ACYP2: variants seen among roughly 807,000 people sequenced by gnomAD.
ACYP2 encodes the protein acylphosphatase 2.
In ACYP2, 12 loss-of-function variants were observed where a neutral mutation model predicts 11.2. That is an observed-to-expected ratio of 1.08 (90% CI 0.69 to 1.74). The LOEUF is 1.74. Among genes scored for constraint, ACYP2 ranks in the 40% most tolerant of loss-of-function variants. ACYP2 has a pLI of 0.00. For synonymous variants in ACYP2, 43 were observed against 32.2 expected, an observed-to-expected ratio of 1.33 and a Z score of -1.13; for missense variants, 134 against 101.9, an observed-to-expected ratio of 1.31 and a Z score of -1.35.
chr2:54,080,681 G>C (rs1677599133), intron 4 of ACYP2, among the ~76,000 whole-genome samples: 1 of 152,090 alleles, frequency 6.6e-6, no homozygotes, highest in Non-Finnish European at 1.5e-5. Flanking sequence ...TAGAGATGGA[G>C]TTTCACCATG....
In ACYP2 at chr2:54,020,844, A is replaced by G. The variant is rs570134489; in HGVS notation, c.63-30114A>G. On this transcript the variant is annotated intron_variant, in intron 2 of 6. Coordinates refer to ENST00000607452, the MANE Select transcript of ACYP2 (RefSeq NM_001320586.2). ...TCTATGTTGCAAATTTTAATTTGTT[A>G]AGGTAGACTTGATTTTTCAGAAATA... Among the ~76,000 whole-genome samples the G allele has an allele frequency of 1.6e-4, 25 of 152,336 alleles. No homozygotes were observed. The South Asian group carries it at 3.9e-3, about 24-fold the overall frequency.
chr2:53,984,597 C>G (rs1671931471), intron 2 of ACYP2, among the ~76,000 whole-genome samples: 1 of 150,854 alleles, frequency 6.6e-6, no homozygotes, highest in Admixed American at 6.6e-5. Flanking sequence ...TGAATTGAAT[C>G]CAGAAAAGTG....
chr2:54,159,569 A>G lies in ACYP2; in HGVS notation c.404+20821A>G, dbSNP rs1682615401. On this transcript the variant is annotated intron_variant, in intron 6 of 6. Coordinates refer to ENST00000607452, the MANE Select transcript of ACYP2 (RefSeq NM_001320586.2). The stretch of plus-strand genomic sequence containing the variant: ...TAATGTTTTCATTCAGTAAATGTTT[A>G]TTATGTGTATTTCGACGTCCCTCTG... Among the ~76,000 whole-genome samples, 2 of 152,072 alleles carry G rather than the reference A, an allele frequency of 1.3e-5. 1 individual carries two copies. The highest frequency in any genetic ancestry group is 4.2e-4 in the South Asian group (2 of 4,818).
At chr2:54,185,326 T>G (rs1032244239) in intron 6 of ACYP2, among the ~76,000 whole-genome samples, 1 of 152,186 alleles carries the variant, frequency 6.6e-6, no homozygotes, top group African/African-American at 2.4e-5. Flanking sequence ...AGCCATTCTA[T>G]GCCCATGAGG....
At chr2:54,268,119 A>T (rs1688121061) in intron 6 of ACYP2, among the ~76,000 whole-genome samples, 1 of 152,200 alleles carries the variant, frequency 6.6e-6, no homozygotes, top group Admixed American at 6.5e-5. Flanking sequence ...TTGAACCTGA[A>T]CCACAACATT....
In ACYP2 at chr2:54,131,541, G is replaced by C. The variant is rs79553465; in HGVS notation, c.278-3912G>C. Among the ~76,000 whole-genome samples, 3 of 152,262 alleles carry C rather than the reference G, an allele frequency of 2.0e-5. No individual in the cohort carries two copies. The South Asian group carries it at 6.2e-4, about 32-fold the overall frequency. ...GCTGTGCCAATGTCAGGTCCCTTTA[G>C]GGTGCAGGAGGGGAGAGTTGCCTTT... On this transcript the variant is annotated intron_variant, in intron 4 of 6. Transcript: ENST00000607452.
intron 6 of ACYP2, among the ~76,000 whole-genome samples, chr2:54,177,148 C>T (rs1558589633): frequency 1.3e-5 from 2 of 152,194 alleles, no homozygotes; most frequent in Admixed American, 1.3e-4. Context: ...TGCCCTCCAT[C>T]CACCTCTGTT....
intron 6 of ACYP2, among the ~76,000 whole-genome samples, chr2:54,286,801 T>C (rs1256294901): frequency 6.6e-6 from 1 of 152,044 alleles, no homozygotes; most frequent in Non-Finnish European, 1.5e-5. Flanking sequence ...AAGACAGGCC[T>C]AAAACAAAAT....
At chr2:54,025,362 G>A (rs1674227293) in intron 2 of ACYP2, among the ~76,000 whole-genome samples, 1 of 152,110 alleles carries the variant, frequency 6.6e-6, no homozygotes, top group African/African-American at 2.4e-5. Flanking sequence ...AAAACAGCAT[G>A]GTATTGGCAT....
chr2:54,244,567 T>C (rs145661378), intron 6 of ACYP2, among the ~76,000 whole-genome samples: 31 of 152,342 alleles, frequency 2.0e-4, no homozygotes, highest in African/African-American at 7.2e-4. Context: ...TCTGTATGCA[T>C]TGAGATCTAT....
rs1056609158 is a variant in ACYP2, at chr2:54,258,195, T to C, written c.405-46493T>C. ...GTTATAAGTGCTATGGAAAAAACAATAGAGCAAGGAGATTGAAAGTCCTGG... is the reference window on the plus strand; with the variant it reads ...GTTATAAGTGCTATGGAAAAAACAACAGAGCAAGGAGATTGAAAGTCCTGG... On this transcript the variant is annotated intron_variant, in intron 6 of 6. Coordinates refer to ENST00000607452, the MANE Select transcript of ACYP2 (RefSeq NM_001320586.2). Among the ~76,000 whole-genome samples, 6 of 151,318 alleles carry C rather than the reference T, an allele frequency of 4.0e-5. No homozygotes were observed. The East Asian group carries it at 5.8e-4, about 15-fold the overall frequency.
At chr2:54,027,755 T>C (rs934414474) in intron 2 of ACYP2, among the ~76,000 whole-genome samples, 2 of 152,078 alleles carry the variant, frequency 1.3e-5, no homozygotes, top group African/African-American at 4.8e-5. Flanking sequence ...TTTCTTCAGG[T>C]TTTACCTAAT....
chr2:54,295,524 T>C (rs1219659393), intron 6 of ACYP2, among the ~76,000 whole-genome samples: 1 of 152,048 alleles, frequency 6.6e-6, no homozygotes. Flanking sequence ...TGCCTAGAAA[T>C]TGCCCTCCTC....
chr2:54,120,973 T>C (rs888167631), intron 4 of ACYP2, among the ~76,000 whole-genome samples: 3 of 152,142 alleles, frequency 2.0e-5, no homozygotes, highest in Non-Finnish European at 4.4e-5. Flanking sequence ...TCACAACTCA[T>C]TGGGTCCTGC....
At chr2:54,102,499 C>T (rs1452940867) in intron 4 of ACYP2, among the ~76,000 whole-genome samples, 1 of 151,882 alleles carries the variant, frequency 6.6e-6, no homozygotes, top group Admixed American at 6.6e-5. Flanking sequence ...GGCATGGTTG[C>T]AAGGAGGTCT....
chr2:53,976,648 TTAGA>T (rs1320511239), intron 2 of ACYP2, among the ~76,000 whole-genome samples: 1 of 152,198 alleles, frequency 6.6e-6, no homozygotes, highest in Non-Finnish European at 1.5e-5. Context: ...AAAAAGAATA[TTAGA>T]TCTGAGAAAT....
chr2:54,267,426 C>T, intron 6 of ACYP2: 3 of 1,425,696 alleles, frequency 2.1e-6, no homozygotes, highest in Non-Finnish European at 2.8e-6. Context: ...GGGGTGGGAA[C>T]AGAAGGAGGG....
Position 53,976,914 on chromosome 2 carries a change from T to C in ACYP2, c.62+3104T>C, listed in dbSNP as rs529027388. Among the ~76,000 whole-genome samples the C allele has an allele frequency of 4.6e-5, 7 of 152,324 alleles. No homozygotes were observed. In the South Asian group the frequency reaches 6.2e-4, roughly 14 times the overall value. ...TTCTTTTTGTTTATTTTTGGGGGGA[T>C]TTGTATTTCTTGAATCAAAAGATTC... On this transcript the variant is annotated intron_variant, in intron 2 of 6. Coordinates refer to ENST00000607452, the MANE Select transcript of ACYP2 (RefSeq NM_001320586.2).
At chr2:54,225,784 A>C (rs1348833164) in intron 6 of ACYP2, among the ~76,000 whole-genome samples, 1 of 150,822 alleles carries the variant, frequency 6.6e-6, no homozygotes, top group Non-Finnish European at 1.5e-5. Context: ...GGAATACCTT[A>C]AGTATTTTTT....
Sources: gnomAD v4.1 joint callset for allele counts (sites outside exome capture counted in the v4.1 genomes callset) on GRCh38, gnomAD v4.1.1 for gene constraint, MANE v1.5 for transcripts, NCBI Gene and HGNC (gene_info 2026-07-23, HGNC 2026-07-21) for gene names.